Variants in SOX6 observed in about 807,000 individuals in gnomAD.
SOX6 encodes the protein transcription factor SOX-6.
SOX6 carries 11 observed loss-of-function variants against 97.8 expected under a neutral mutation model. The ratio of observed to expected loss-of-function variants is 0.11; its 90% CI spans 0.07 to 0.19. The LOEUF (loss-of-function observed/expected upper bound fraction) is 0.19, where lower values mean the gene tolerates loss of function less well. Ranked by LOEUF, SOX6 falls within the 10% of genes least tolerant of loss-of-function variation. The pLI is 1.00. For synonymous variants in SOX6, 360 were observed against 371.4 expected (o/e 0.97, Z 0.35); for missense variants, 810 against 1,039.5 (o/e 0.78, Z 3.04).
chr11:16,037,219 T>C (rs1855541893), intron 12 of SOX6, among the ~76,000 whole-genome samples: 1 of 152,218 alleles, frequency 6.6e-6, no homozygotes, highest in Non-Finnish European at 1.5e-5. Context: ...AAATGTTTAG[T>C]ACAACAAGTG....
intron 12 of SOX6, among the ~76,000 whole-genome samples, chr11:16,022,331 T>TTTCCTTCCTTCCTTCCTTCC (rs71044083): frequency 0.013 from 1,527 of 113,798 alleles, 44 homozygotes; most frequent in African/African-American, 0.041. Flanking sequence ...TCCTTCCTTC[T>TTTCCTTCCTTCCTTCCTTCC]TTCCTTCCTT....
At chr11:16,178,792 G>A (rs1389232055) in intron 6 of SOX6, among the ~76,000 whole-genome samples, 3 of 151,834 alleles carry the variant, frequency 2.0e-5, no homozygotes, top group Non-Finnish European at 4.4e-5. Flanking sequence ...ATTGCATTTT[G>A]TTCATCAATG....
intron 4 of SOX6, among the ~76,000 whole-genome samples, chr11:16,226,839 T>C (rs568119136): frequency 2.6e-5 from 4 of 152,274 alleles, no homozygotes; most frequent in Admixed American, 6.5e-5. Flanking sequence ...CTAATTTACA[T>C]AGAAAAGGGT....
intron 6 of SOX6, among the ~76,000 whole-genome samples, chr11:16,137,658 A>T (rs1282429769): frequency 1.3e-5 from 2 of 152,224 alleles, no homozygotes; most frequent in Non-Finnish European, 2.9e-5. Context: ...TATCTAAAAG[A>T]TATGGAAATT....
At chr11:16,658,024 C>T (rs1847736943) in intron 3 of SOX6, among the ~76,000 whole-genome samples, 1 of 152,154 alleles carries the variant, frequency 6.6e-6, no homozygotes, top group Non-Finnish European at 1.5e-5. Context: ...TACATATGAA[C>T]ATCTCATAAA....
intron 1 of SOX6, among the ~76,000 whole-genome samples, chr11:16,442,174 G>A (rs958463861): frequency 1.3e-5 from 2 of 152,160 alleles, no homozygotes; most frequent in Admixed American, 1.3e-4. Flanking sequence ...AATTTTCACT[G>A]CTGCTATTTA....
upstream of SOX6, among the ~76,000 whole-genome samples, chr11:16,357,552 T>C (rs1857106152): frequency 6.6e-6 from 1 of 152,086 alleles, no homozygotes; most frequent in Non-Finnish European, 1.5e-5. Flanking sequence ...CTTTAAAGAA[T>C]AAAAAAGAGG....
intron 1 of SOX6, among the ~76,000 whole-genome samples, chr11:16,467,408 C>T (rs1860061816): frequency 6.6e-6 from 1 of 152,162 alleles, no homozygotes; most frequent in South Asian, 2.1e-4. Flanking sequence ...CAACGATAGA[C>T]TGAATAAATA....
At chr11:16,238,447 T>C (rs1019674319) in intron 3 of SOX6, among the ~76,000 whole-genome samples, 2 of 152,052 alleles carry the variant, frequency 1.3e-5, no homozygotes, top group African/African-American at 4.8e-5. Context: ...CTGAGTAATG[T>C]TTTCGCTAAT....
intron 6 of SOX6, among the ~76,000 whole-genome samples, chr11:16,136,592 C>G (rs796848083): frequency 7.2e-5 from 11 of 151,930 alleles, no homozygotes; most frequent in African/African-American, 2.7e-4. Context: ...TGGTCACACC[C>G]AACTAATTTT....
At chr11:16,424,168 C>T (rs1259462107) in intron 1 of SOX6, among the ~76,000 whole-genome samples, 1 of 152,124 alleles carries the variant, frequency 6.6e-6, no homozygotes, top group African/African-American at 2.4e-5. Flanking sequence ...AAAATAAAGA[C>T]TATTCTTTCA....
At chr11:16,609,912 C>T (rs920959176) in intron 4 of SOX6, among the ~76,000 whole-genome samples, 1 of 152,300 alleles carries the variant, frequency 6.6e-6, no homozygotes, top group Non-Finnish European at 1.5e-5. Flanking sequence ...TGGTGACTTT[C>T]AGGACTGGAA....
At chr11:16,185,776 G>A (rs189298397) in intron 5 of SOX6, among the ~76,000 whole-genome samples, 1 of 152,058 alleles carries the variant, frequency 6.6e-6, no homozygotes, top group African/African-American at 2.4e-5. Flanking sequence ...TCTAACTTCT[G>A]ATTTTTTACA....
intron 13 of SOX6, among the ~76,000 whole-genome samples, chr11:16,007,563 A>G (rs1464095006): frequency 6.6e-6 from 1 of 152,112 alleles, no homozygotes; most frequent in Non-Finnish European, 1.5e-5. Flanking sequence ...AATTGATCAA[A>G]GTTTGGTCTC....
At chr11:16,385,894 C>T (rs932573231) in intron 1 of SOX6, among the ~76,000 whole-genome samples, 2 of 152,070 alleles carry the variant, frequency 1.3e-5, no homozygotes, top group East Asian at 3.9e-4. Flanking sequence ...GTTCCTTTCC[C>T]ACTAGCTAAT....
chr11:16,323,960 A>G (rs1177322841), intron 2 of SOX6, among the ~76,000 whole-genome samples: 1 of 151,990 alleles, frequency 6.6e-6, no homozygotes, highest in Non-Finnish European at 1.5e-5. Flanking sequence ...AAGCAGGAGG[A>G]TCACTTCAGC....
At chr11:16,057,674 A>C (rs1483909218) in intron 9 of SOX6, among the ~76,000 whole-genome samples, 3 of 152,062 alleles carry the variant, frequency 2.0e-5, no homozygotes, top group Admixed American at 1.3e-4. Context: ...TAACTGTCTC[A>C]TTTTGGTACA....
chr11:16,173,041 TAAGTCTATGGA>T (rs1263824580), intron 6 of SOX6, among the ~76,000 whole-genome samples: 1 of 151,872 alleles, frequency 6.6e-6, no homozygotes, highest in Non-Finnish European at 1.5e-5. Flanking sequence ...AGAGGACGTA[TAAGTCTATGGA>T]ATTTACTGTG....
At chr11:16,228,246 T>C (rs1249885967) in intron 4 of SOX6, among the ~76,000 whole-genome samples, 1 of 151,892 alleles carries the variant, frequency 6.6e-6, no homozygotes, top group African/African-American at 2.4e-5. Context: ...ACACTTCAGA[T>C]GCACCCAGGC....
Sources: gnomAD v4.1 joint callset for allele counts (sites outside exome capture counted in the v4.1 genomes callset) on GRCh38, gnomAD v4.1.1 for gene constraint, MANE v1.5 for transcripts, NCBI Gene and HGNC (gene_info 2026-07-23, HGNC 2026-07-21) for gene names.